LRPPRC: variants seen among roughly 807,000 people sequenced by gnomAD.
The protein encoded by LRPPRC is leucine-rich PPR motif-containing protein, mitochondrial.
In LRPPRC, 120 loss-of-function variants were observed where a neutral mutation model predicts 180.3. The observed-to-expected ratio is 0.67, with a 90% confidence interval of 0.57 to 0.77. The LOEUF (loss-of-function observed/expected upper bound fraction) is 0.77, where lower values mean the gene tolerates loss of function less well. Ranked by LOEUF, LRPPRC falls within the 30% of genes least tolerant of loss-of-function variation. The pLI, the probability that LRPPRC is intolerant of heterozygous loss-of-function variation, is 0.00. For missense variants in LRPPRC, 2,012 were observed against 1,657.2 expected (o/e 1.21, Z -3.72); for synonymous variants, 723 against 600.0 (o/e 1.21, Z -3.00).
At chr2:43,974,044 G>A (rs927896567) in intron 9 of LRPPRC, 106 bp downstream of exon 9, 1 of 1,262,604 alleles carries the variant, frequency 7.9e-7, no homozygotes, top group Non-Finnish European at 1.2e-6. Context: ...CAAGAACATT[G>A]TTATGATGTT....
At chr2:43,947,868 T>A (rs1231529363) in intron 18 of LRPPRC, 93 bp from the exon 19 acceptor site, 1 of 818,218 alleles carries the variant, frequency 1.2e-6, no homozygotes, top group Non-Finnish European at 2.2e-6. Context: ...TCTCACCTCA[T>A]ATTACTACTT....
Position 43,976,149 on chromosome 2 carries a change from C to G in LRPPRC, c.731G>C (p.Arg244Thr). Residue 244 changes from arginine to threonine, a missense_variant, in exon 6 of 38, where the codon AGA becomes ACA. Physicochemically the swap from Arg to Thr is moderately conservative, Grantham distance 71. Transcript: ENST00000260665. ...ACCTTAGGTTGAACATTACCCAGCT[C>G]TGGCATGCCCTGTCACAAGGGCACT... ...VFSALVTGHA[R>T]AGDMENAENI... 1.2e-6 allele frequency: 2 copies of G among 1,601,570 alleles called. No individual in the cohort carries two copies. The highest frequency in any genetic ancestry group is 1.7e-6 in the Non-Finnish European group (2 of 1,168,562).
intron 26 of LRPPRC, 37 bp downstream of exon 26, chr2:43,925,856 C>T (rs62138281): frequency 2.8e-6 from 4 of 1,446,850 alleles, no homozygotes; most frequent in South Asian, 2.3e-5. Context: ...TCTACTCACA[C>T]TTTTAGGTGA....
chr2:43,939,824 A>C (rs1201392269), intron 23 of LRPPRC, among the ~76,000 whole-genome samples: 1 of 152,242 alleles, frequency 6.6e-6, no homozygotes, highest in African/African-American at 2.4e-5. Context: ...CGTTCGGAAC[A>C]GCACTAACTT....
intron 11 of LRPPRC, among the ~76,000 whole-genome samples, chr2:43,965,246 A>G (rs2103678501): frequency 6.6e-6 from 1 of 152,142 alleles, no homozygotes; most frequent in South Asian, 2.1e-4. Context: ...GTGATCCTAG[A>G]GATGGGGTTT....
chr2:43,955,581 A>AT (rs960092866), intron 14 of LRPPRC, among the ~76,000 whole-genome samples: 2 of 152,102 alleles, frequency 1.3e-5, no homozygotes, highest in African/African-American at 4.8e-5. Flanking sequence ...CTACAAAAAA[A>AT]TTTTAAAAAT....
chr2:43,985,546 T>G (rs1202174052), intron 1 of LRPPRC, among the ~76,000 whole-genome samples: 1 of 152,220 alleles, frequency 6.6e-6, no homozygotes, highest in Admixed American at 6.5e-5. Flanking sequence ...GTCTCTAGTT[T>G]TGCCTTTCCC....
intron 25 of LRPPRC, among the ~76,000 whole-genome samples, chr2:43,930,858 A>G (rs2105052674): frequency 6.6e-6 from 1 of 152,282 alleles, no homozygotes; most frequent in African/African-American, 2.4e-5. Flanking sequence ...AAATTATGGT[A>G]AAAGAAGGTA....
chr2:43,927,305 A>G (rs1473363238), intron 25 of LRPPRC, among the ~76,000 whole-genome samples: 1 of 152,224 alleles, frequency 6.6e-6, no homozygotes, highest in Non-Finnish European at 1.5e-5. Flanking sequence ...ATAACATTGT[A>G]CAACGTTAAA....
intron 13 of LRPPRC, 107 bp from the exon 14 acceptor site, chr2:43,957,558 T>A (rs1673172545): frequency 1.2e-6 from 1 of 812,770 alleles, no homozygotes; most frequent in Admixed American, 2.2e-5. Flanking sequence ...GTTTTCATTT[T>A]GGAAATTGTA....
At chr2:43,979,334 T>G (rs1255253659) in intron 3 of LRPPRC, among the ~76,000 whole-genome samples, 1 of 152,142 alleles carries the variant, frequency 6.6e-6, no homozygotes, top group East Asian at 1.9e-4. Flanking sequence ...ACACCCCCAT[T>G]GGCATATAAA....
intron 23 of LRPPRC, among the ~76,000 whole-genome samples, chr2:43,939,508 A>C (rs1461800548): frequency 6.6e-6 from 1 of 152,182 alleles, no homozygotes; most frequent in Non-Finnish European, 1.5e-5. Flanking sequence ...AAAAACAAAC[A>C]AACAAAAACC....
rs539498331 is a variant in LRPPRC at position 43,925,091 on chromosome 2, A to G, written c.2872T>C (p.Tyr958His). ...CTATACAGTTTTAGCAGATTGTAGT[A>G]CATCTGGTCTCTATCACATTCAAAT... ...KLFECDRDQM[Y>H]YNLLKLYKIN... Residue 958 changes from tyrosine to histidine, a missense_variant, in exon 27 of 38, where the codon TAC (tyrosine) becomes CAC (histidine). Physicochemically the swap from Tyr to His is moderately conservative, Grantham distance 83. Transcript: ENST00000260665. 8 of 1,585,796 alleles carry G rather than the reference A, an allele frequency of 5.0e-6. No individual in the cohort carries two copies. In the South Asian group the frequency reaches 6.6e-5, roughly 13 times the overall value.
intron 11 of LRPPRC, among the ~76,000 whole-genome samples, chr2:43,969,389 G>A (rs1174475302): frequency 8.1e-5 from 12 of 148,722 alleles, no homozygotes; most frequent in Non-Finnish European, 1.5e-4. Flanking sequence ...CAGCCTGGGC[G>A]ACAGAGCGAG....
Position 43,975,122 on chromosome 2 carries a change from G to C in LRPPRC, c.833C>G (p.Ala278Gly), listed in dbSNP as rs1373412812. 6.2e-7 allele frequency: 1 copy of C among 1,613,228 alleles called. No individual in the cohort carries two copies. The highest frequency in any genetic ancestry group is 8.5e-7 in the Non-Finnish European group (1 of 1,179,626). Residue 278 changes from alanine to glycine, a missense_variant, in exon 7 of 38, where the codon GCT (alanine) becomes GGT (glycine). Coordinates refer to ENST00000260665, the MANE Select transcript of LRPPRC (RefSeq NM_133259.4). ...DTYLALLNAY[A>G]EKGDIDHVKQ... ...AACATGGTCAATGTCGCCCTTCTCA[G>C]CATATGCATTCAATAATGCGAGGTA...
At chr2:43,889,067 G>A (rs538581462) in intron 37 of LRPPRC, among the ~76,000 whole-genome samples, 11 of 152,098 alleles carry the variant, frequency 7.2e-5, no homozygotes, top group South Asian at 2.1e-4. Flanking sequence ...CTGTAATCCC[G>A]GCACTTTGGG....
chr2:43,900,763 T>C (rs763705265), intron 32 of LRPPRC, among the ~76,000 whole-genome samples: 24 of 152,270 alleles, frequency 1.6e-4, no homozygotes, highest in South Asian at 4.1e-4. Flanking sequence ...ATAAAGTACT[T>C]TGCTAGGGAG....
intron 11 of LRPPRC, among the ~76,000 whole-genome samples, chr2:43,971,485 T>A (rs76188888): frequency 6.9e-4 from 43 of 62,368 alleles, no homozygotes; most frequent in East Asian, 1.9e-3. Context: ...TGTGTCACAG[T>A]AAAAAAAAAA....
Position 43,957,414 on chromosome 2 carries a change from T to C in LRPPRC, c.1620A>G (p.Ile540Met), listed in dbSNP as rs746946354. The change falls in exon 14 of 38, where the codon ATA (isoleucine) becomes ATG (methionine). Residue 540 changes from isoleucine (I) to methionine (M), a missense_variant. Physicochemically the swap from Ile to Met is conservative, Grantham distance 10. Transcript: ENST00000260665. The stretch of plus-strand genomic sequence containing the variant: ...TGAAGCCTAGCAGTAGGCTACTTCT[T>C]ATAGACTGCAGCGAGATGGGCAATG... ...SNTLPISLQS[I>M]RSSLLLGFRR... The C allele has an allele frequency of 1.5e-5, 25 of 1,613,548 alleles. No individual in the cohort carries two copies. Among genetic ancestry groups the C allele is most frequent in the Non-Finnish European group, 1.8e-5 (21 of 1,179,586 alleles).
Sources: allele counts gnomAD v4.1 joint callset (sites outside exome capture counted in the v4.1 genomes callset), GRCh38; gene constraint gnomAD v4.1.1; transcripts MANE v1.5; gene names NCBI Gene and HGNC (gene_info 2026-07-23, HGNC 2026-07-21).